The following AP3B2 variants were observed in gnomAD, a reference collection of about 807,000 sequenced individuals.
The protein encoded by AP3B2 is AP-3 complex subunit beta-2.
A neutral mutation model predicts 126.9 loss-of-function variants in AP3B2; 50 were observed. That is an observed-to-expected ratio of 0.39 (90% CI 0.31 to 0.50). The LOEUF (loss-of-function observed/expected upper bound fraction) is 0.50. Among genes scored for constraint, AP3B2 ranks in the 20% least tolerant of loss-of-function variants. The probability of loss-of-function intolerance (pLI) is 0.79; values close to 1 mark genes in which losing one functional copy is unlikely to be tolerated. For synonymous variants in AP3B2, 541 were observed against 565.0 expected (o/e 0.96, Z 0.60); for missense variants, 1,177 against 1,426.4 (o/e 0.83, Z 2.82).
Position 82,665,062 on chromosome 15 carries a change from A to G in AP3B2, c.2029-119T>C. 1 of 1,033,314 alleles carries G rather than the reference A, an allele frequency of 9.7e-7. No homozygotes were observed. The allele number at this position is 1,033,314 out of a possible 1,614,324, so 64.0% of individuals were successfully genotyped here. A position where few individuals can be genotyped will look rare whatever the true frequency, so the allele number is the denominator to read the frequency against. On this transcript the variant is annotated intron_variant, in intron 17 of 26. Transcript: ENST00000535359. This position sits in a 1 kb window ranked among gnomAD's most constrained non-coding sequence, Gnocchi z 4.4. Reference sequence around the variant, plus strand: ...AGGCCCTACCTGGTCTGTCCCACAAAGGGAATAACAGAGGAGGAAGAAAGG... The same window carrying G: ...AGGCCCTACCTGGTCTGTCCCACAAGGGGAATAACAGAGGAGGAAGAAAGG...
chr15:82,675,356 A>G (rs1380503225), intron 14 of AP3B2, among the ~76,000 whole-genome samples: 4 of 152,206 alleles, frequency 2.6e-5, no homozygotes, highest in African/African-American at 9.7e-5. Flanking sequence ...GATTACAGTC[A>G]CAGCACTTGG....
chr15:82,676,252 G>C (rs2151437816), intron 14 of AP3B2, among the ~76,000 whole-genome samples: 1 of 152,276 alleles, frequency 6.6e-6, no homozygotes, highest in Middle Eastern at 3.4e-3. Flanking sequence ...CTTCATAGGA[G>C]AGTCTCTTCA....
At chr15:82,702,064 G>T (rs113796068) in intron 1 of AP3B2, among the ~76,000 whole-genome samples, 2 of 152,070 alleles carry the variant, frequency 1.3e-5, no homozygotes, top group Non-Finnish European at 2.9e-5. Flanking sequence ...TCTAATGTTG[G>T]TGTCTTCAGG....
intron 14 of AP3B2, among the ~76,000 whole-genome samples, chr15:82,673,163 T>C (rs1046881217): frequency 2.6e-5 from 4 of 152,244 alleles, no homozygotes; most frequent in Non-Finnish European, 4.4e-5. Flanking sequence ...AGAAAACTAA[T>C]ACAATTGATT....
At position 82,662,934 on chromosome 15, in the gene AP3B2, G is replaced by A. The variant is rs1191840639; in HGVS notation, c.2605-12C>T. 1 of 1,607,538 alleles carries A rather than the reference G, an allele frequency of 6.2e-7. No individual in the cohort carries two copies. The highest frequency in any genetic ancestry group is 1.1e-5 in the South Asian group (1 of 90,156). ...ACTGGACTCAGAAGCTAGAGTGGAG[G>A]GGTAGGGAAGGACAGAACTGAGCAA... On this transcript the variant is annotated splice_polypyrimidine_tract_variant and intron_variant, in intron 22 of 26. Coordinates refer to ENST00000535359, the MANE Select transcript of AP3B2 (RefSeq NM_001278512.2).
chr15:82,682,508 A>G (rs1279703111), intron 4 of AP3B2, among the ~76,000 whole-genome samples: 2 of 152,120 alleles, frequency 1.3e-5, no homozygotes, highest in African/African-American at 4.8e-5. Context: ...TGTGGGTTTG[A>G]TTCTAGACCT....
intron 1 of AP3B2, among the ~76,000 whole-genome samples, chr15:82,708,411 C>T (rs1345076629): frequency 6.6e-6 from 1 of 151,678 alleles, no homozygotes; most frequent in Non-Finnish European, 1.5e-5. Context: ...AAATCCTCAT[C>T]TTCTCCCCCT....
At chr15:82,702,690 TC>T (rs1342991710) in intron 1 of AP3B2, among the ~76,000 whole-genome samples, 5 of 152,010 alleles carry the variant, frequency 3.3e-5, no homozygotes, top group Non-Finnish European at 5.9e-5. Context: ...TTTTTCAGAC[TC>T]AGCCGGCCTG....
In AP3B2 at chr15:82,688,924, C is replaced by A. The variant is rs1010828028; in HGVS notation, c.265-93G>T. ...GGGATGTCATCTCCCCAGCCAGCTGCGGTCCATGGGGACAAACTCTCCCAG... is the reference window on the plus strand; with the variant it reads ...GGGATGTCATCTCCCCAGCCAGCTGAGGTCCATGGGGACAAACTCTCCCAG... On this transcript the variant is annotated intron_variant, in intron 3 of 26. Transcript: ENST00000535359. 45 of 1,258,036 alleles carry A rather than the reference C, an allele frequency of 3.6e-5. No individual in the cohort carries two copies. The East Asian group carries it at 1.1e-3, about 31-fold the overall frequency. The allele number at this position is 1,258,036 out of a possible 1,614,324, so 77.9% of individuals were successfully genotyped here.
At chr15:82,684,035 G>A (rs1226120110) in intron 4 of AP3B2, among the ~76,000 whole-genome samples, 2 of 152,208 alleles carry the variant, frequency 1.3e-5, no homozygotes, top group East Asian at 1.9e-4. Flanking sequence ...AGCACAGGCA[G>A]AGGAGATCTG....
chr15:82,692,036 C>T (rs1158963751), intron 1 of AP3B2: 2 of 1,478,744 alleles, frequency 1.4e-6, no homozygotes, highest in Non-Finnish European at 1.9e-6. Context: ...TGAGGAAGTC[C>T]TGAAACAAGA....
intron 4 of AP3B2, among the ~76,000 whole-genome samples, chr15:82,683,024 T>C (rs760150953): frequency 1.3e-5 from 2 of 149,240 alleles, no homozygotes; most frequent in Non-Finnish European, 3.0e-5. Flanking sequence ...ATTTCAACAA[T>C]GTTCACAGCA....
intron 1 of AP3B2, among the ~76,000 whole-genome samples, chr15:82,690,125 G>T (rs1412229198): frequency 3.3e-5 from 5 of 152,110 alleles, no homozygotes; most frequent in Admixed American, 3.3e-4. Context: ...TTTCCCTATG[G>T]GTTTCAGAGG....
At chr15:82,706,657 T>C (rs781551603) in intron 1 of AP3B2, among the ~76,000 whole-genome samples, 9 of 152,096 alleles carry the variant, frequency 5.9e-5, no homozygotes, top group Non-Finnish European at 1.2e-4. Flanking sequence ...TATGAATCTC[T>C]TCCCACACAA....
At chr15:82,662,472 C>T in intron 23 of AP3B2, 1 of 653,828 alleles carries the variant, frequency 1.5e-6, no homozygotes. Flanking sequence ...AGTCCTGAAA[C>T]AACCAAGGCC....
intron 1 of AP3B2, among the ~76,000 whole-genome samples, chr15:82,707,750 A>G (rs1596202122): frequency 6.6e-6 from 1 of 152,004 alleles, no homozygotes; most frequent in African/African-American, 2.4e-5. Flanking sequence ...TAGTTTTTCA[A>G]TTCATACAAA....
intron 14 of AP3B2, among the ~76,000 whole-genome samples, chr15:82,669,439 A>G (rs536716181): frequency 2.6e-5 from 4 of 152,344 alleles, no homozygotes; most frequent in African/African-American, 9.6e-5. Flanking sequence ...GATGCCTGTA[A>G]TCCCAGCACT....
At position 82,680,128 on chromosome 15, in the gene AP3B2, A is replaced by C. The variant is rs1393041772; in HGVS notation, c.1110+47T>G. 4 of 1,610,498 alleles carry C rather than the reference A, an allele frequency of 2.5e-6. No individual in the cohort carries two copies. Among genetic ancestry groups the C allele is most frequent in the Non-Finnish European group, 2.5e-6 (3 of 1,179,074 alleles). On this transcript the variant is annotated intron_variant, in intron 9 of 26. Transcript: ENST00000535359. The surrounding 1 kb of genome is among the most constrained non-coding windows in gnomAD (Gnocchi z 6.1). ...CCCCGACAACGCCTCCAGTGCCCGC[A>C]GAAGCGGCCCTCGGACAGCGAGGAC...
chr15:82,700,184 A>G (rs1413117685), intron 1 of AP3B2, among the ~76,000 whole-genome samples: 1 of 151,528 alleles, frequency 6.6e-6, no homozygotes, highest in African/African-American at 2.4e-5. Context: ...AATCTCATAT[A>G]CCCTCTTCTC....
Sources: allele counts gnomAD v4.1 joint callset (sites outside exome capture counted in the v4.1 genomes callset), GRCh38; gene constraint gnomAD v4.1.1; non-coding constraint Gnocchi (gnomAD v3.1); transcripts MANE v1.5; gene names NCBI Gene and HGNC (gene_info 2026-07-23, HGNC 2026-07-21).